Variants in PRKCA observed in about 807,000 individuals in gnomAD.
PRKCA encodes protein kinase C alpha, also known as protein kinase C alpha type.
Under a neutral mutation model 87.0 loss-of-function variants are expected in PRKCA, and 27 were observed. That is an observed-to-expected ratio of 0.31 (90% CI 0.23 to 0.43). The LOEUF (loss-of-function observed/expected upper bound fraction) is 0.43, where lower values mean the gene tolerates loss of function less well. Ranked by LOEUF, PRKCA falls within the 20% of genes least tolerant of loss-of-function variation. The pLI is 1.00. For synonymous variants in PRKCA, 329 were observed against 311.1 expected, an observed-to-expected ratio of 1.06 and a Z score of -0.61; for missense variants, 518 against 852.3, an observed-to-expected ratio of 0.61 and a Z score of 4.88.
At chr17:66,395,347 A>G (rs1035455716) in intron 2 of PRKCA, among the ~76,000 whole-genome samples, 7 of 152,250 alleles carry the variant, frequency 4.6e-5, no homozygotes, top group African/African-American at 1.7e-4. Flanking sequence ...AACTAACTTA[A>G]TGTAACTTAT....
intron 3 of PRKCA, among the ~76,000 whole-genome samples, chr17:66,515,129 G>C: frequency 6.6e-6 from 1 of 151,922 alleles, no homozygotes; most frequent in East Asian, 1.9e-4. Context: ...GGTGGCCTGC[G>C]CCTCTAGTCC....
intron 2 of PRKCA, among the ~76,000 whole-genome samples, chr17:66,327,395 GT>G (rs1445426289): frequency 6.6e-6 from 1 of 151,416 alleles, no homozygotes; most frequent in Non-Finnish European, 1.5e-5. Flanking sequence ...AAATTGCTGG[GT>G]GTGGTGGTGT....
At chr17:66,586,762 G>A (rs1177818133) in intron 3 of PRKCA, among the ~76,000 whole-genome samples, 1 of 152,160 alleles carries the variant, frequency 6.6e-6, no homozygotes, top group Non-Finnish European at 1.5e-5. Flanking sequence ...TGAAGCTTGA[G>A]TTTCTTCATG....
At chr17:66,522,303 C>CT (rs561631332) in intron 3 of PRKCA, among the ~76,000 whole-genome samples, 2 of 152,088 alleles carry the variant, frequency 1.3e-5, no homozygotes, top group Admixed American at 6.5e-5. Flanking sequence ...ATAATGCCCA[C>CT]TTTTTTTTCA....
chr17:66,632,835 C>T (rs576363170), intron 3 of PRKCA, among the ~76,000 whole-genome samples: 2 of 152,034 alleles, frequency 1.3e-5, no homozygotes, highest in Non-Finnish European at 2.9e-5. Context: ...ACAGATCTAT[C>T]TAGAATTTTT....
intron 2 of PRKCA, among the ~76,000 whole-genome samples, chr17:66,386,429 C>T (rs1203114373): frequency 6.6e-6 from 1 of 152,166 alleles, no homozygotes; most frequent in Non-Finnish European, 1.5e-5. Flanking sequence ...AATCTTGGCT[C>T]CAGCAGTTGC....
rs558326563 is a variant in PRKCA at position 66,452,649 on chromosome 17, C to T, written c.206-43552C>T. Reference sequence around the variant, plus strand: ...TGAAAACAACATCCAAGAAACCCACCAGTGGGTTCCAGAACTTCCTTTCTA... The same window carrying T: ...TGAAAACAACATCCAAGAAACCCACTAGTGGGTTCCAGAACTTCCTTTCTA... On this transcript the variant is annotated intron_variant, in intron 2 of 16. Transcript: ENST00000413366. 2.8e-4 allele frequency among the ~76,000 whole-genome samples: 42 copies of T among 152,268 alleles called. No individual in the cohort carries two copies. In the South Asian group the frequency reaches 8.5e-3, roughly 31 times the overall value.
chr17:66,514,240 T>C (rs1261348090), intron 3 of PRKCA, among the ~76,000 whole-genome samples: 2 of 152,150 alleles, frequency 1.3e-5, no homozygotes, highest in African/African-American at 4.8e-5. Flanking sequence ...TTTCTTGGGA[T>C]GTAGGCCCTA....
rs574649992 is a variant in PRKCA at position 66,664,855 on chromosome 17, G to T, written c.529+19344G>T. Among the ~76,000 whole-genome samples the T allele has an allele frequency of 2.0e-5, 3 of 151,964 alleles. No individual in the cohort carries two copies. The South Asian group carries it at 6.3e-4, about 32-fold the overall frequency. ...AGGGTCTGACCACATTACCAGGCTG[G>T]TCTCACACTCCTGGCCTCAAGCAAT... On this transcript the variant is annotated intron_variant, in intron 5 of 16. Transcript: ENST00000413366.
At position 66,462,286 on chromosome 17, in the gene PRKCA, G is replaced by T. The variant is rs1031609539; in HGVS notation, c.206-33915G>T. Among the ~76,000 whole-genome samples, 7 of 152,116 alleles carry T rather than the reference G, an allele frequency of 4.6e-5. No homozygotes were observed. The East Asian group carries it at 7.7e-4, about 17-fold the overall frequency. On this transcript the variant is annotated intron_variant, in intron 2 of 16. Transcript: ENST00000413366. ...AGCTCCTATTTTGTAGTACACAAAG[G>T]GGAAATGTGAGGCTGGAAAGCAACA... is the stretch of plus-strand genomic sequence containing the variant.
intron 16 of PRKCA, among the ~76,000 whole-genome samples, chr17:66,791,227 A>T (rs979804625): frequency 6.7e-6 from 1 of 150,302 alleles, no homozygotes; most frequent in Admixed American, 6.7e-5. Context: ...GTGAAGAAAT[A>T]GCCCCTGAAC....
rs185745571 is a variant in PRKCA at position 66,449,985 on chromosome 17, G to A, written c.206-46216G>A. On this transcript the variant is annotated intron_variant, in intron 2 of 16. Coordinates refer to ENST00000413366, the MANE Select transcript of PRKCA (RefSeq NM_002737.3). ...TTTGCTTCATGTTCATTTTCAAGGA[G>A]GTATACCTTGGGGAGTGGGAGTGTT... 1.4e-4 allele frequency among the ~76,000 whole-genome samples: 21 copies of A among 152,104 alleles called. 1 individual carries two copies. The East Asian group carries it at 4.0e-3, about 29-fold the overall frequency.
chr17:66,459,492 A>G (rs943980286), intron 2 of PRKCA, among the ~76,000 whole-genome samples: 5 of 152,382 alleles, frequency 3.3e-5, no homozygotes, highest in Admixed American at 3.3e-4. Flanking sequence ...ATGAATGGTT[A>G]GAATTATTTT....
chr17:66,488,562 C>T (rs949988552), intron 2 of PRKCA, among the ~76,000 whole-genome samples: 1 of 152,180 alleles, frequency 6.6e-6, no homozygotes, highest in Non-Finnish European at 1.5e-5. Context: ...GCCCTGTCTT[C>T]AAAGTATATC....
At chr17:66,771,295 G>A (rs1352691343) in intron 13 of PRKCA, among the ~76,000 whole-genome samples, 3 of 152,098 alleles carry the variant, frequency 2.0e-5, no homozygotes, top group African/African-American at 7.2e-5. Context: ...GTGAGCCACT[G>A]CCCCTGGCCA....
intron 2 of PRKCA, among the ~76,000 whole-genome samples, chr17:66,395,999 A>T (rs1048838093): frequency 2.0e-5 from 3 of 152,074 alleles, no homozygotes; most frequent in African/African-American, 7.2e-5. Flanking sequence ...CACTAGGGAA[A>T]ATAATTGGCA....
At chr17:66,350,316 C>T (rs2143416446) in intron 2 of PRKCA, among the ~76,000 whole-genome samples, 1 of 152,182 alleles carries the variant, frequency 6.6e-6, no homozygotes, top group Non-Finnish European at 1.5e-5. Context: ...AGTGGTCAGT[C>T]CTGCCCGGGG....
chr17:66,473,526 C>T (rs1915415165), intron 2 of PRKCA, among the ~76,000 whole-genome samples: 1 of 152,140 alleles, frequency 6.6e-6, no homozygotes, highest in African/African-American at 2.4e-5. Flanking sequence ...ACAGCCTTTC[C>T]CATTCTACTG....
chr17:66,572,302 A>G (rs1969103719), intron 3 of PRKCA, among the ~76,000 whole-genome samples: 2 of 152,094 alleles, frequency 1.3e-5, no homozygotes, highest in Admixed American at 6.5e-5. Flanking sequence ...CCCCATCTCT[A>G]CTAAAAGTAC....
Sources: allele counts gnomAD v4.1 joint callset (sites outside exome capture counted in the v4.1 genomes callset), GRCh38; gene constraint gnomAD v4.1.1; transcripts MANE v1.5; gene names NCBI Gene and HGNC (gene_info 2026-07-23, HGNC 2026-07-21).